The following ELOVL6 variants were observed in gnomAD, a reference collection of about 807,000 sequenced individuals.
The protein encoded by ELOVL6 is very long chain fatty acid elongase 6.
Under a neutral mutation model 31.7 loss-of-function variants are expected in ELOVL6, and 8 were observed. The ratio of observed to expected loss-of-function variants is 0.25; its 90% confidence interval spans 0.15 to 0.45. The LOEUF is 0.45. ELOVL6 is among the 20% of genes least tolerant of loss of function. The probability of loss-of-function intolerance (pLI) is 1.00; values close to 1 mark genes in which losing one functional copy is unlikely to be tolerated. For synonymous variants in ELOVL6, 101 were observed against 117.7 expected, an observed-to-expected ratio of 0.86 and a Z score of 0.92; for missense variants, 126 against 326.4, an observed-to-expected ratio of 0.39 and a Z score of 4.73.
chr4:110,093,524 A>G (rs1208293075), intron 2 of ELOVL6, among the ~76,000 whole-genome samples: 1 of 152,222 alleles, frequency 6.6e-6, no homozygotes. Context: ...ATATTTGCAT[A>G]TATCACTCAC....
intron 2 of ELOVL6, among the ~76,000 whole-genome samples, chr4:110,087,929 A>G (rs79975353): frequency 0.11 from 17,475 of 152,188 alleles, 1,213 homozygotes; most frequent in South Asian, 0.2. Context: ...ATTAGAGTCA[A>G]TTTGGCTCTG....
chr4:110,158,657 A>ATATTTTTTTTTTTT lies in ELOVL6; in HGVS notation c.89+39589_89+39590insAAAAAAAAAAAATA. 4.9e-4 allele frequency among the ~76,000 whole-genome samples: 36 copies of ATATTTTTTTTTTTT among 74,158 alleles called. 1 individual carries two copies. The highest frequency in any genetic ancestry group is 7.2e-4 in the Non-Finnish European group (31 of 43,342). 48.7% of individuals were successfully genotyped at this position (74,158 alleles called of 152,430 possible). ...CGTGTATATATATATATATATATAT[A>ATATTTTTTTTTTTT]TTTTTTTTTTTTTTTTTTTTGAGAC... On this transcript the variant is annotated intron_variant, in intron 1 of 3. Transcript: ENST00000302274.
intron 1 of ELOVL6, among the ~76,000 whole-genome samples, chr4:110,118,924 G>T (rs1023897476): frequency 6.6e-6 from 1 of 152,134 alleles, no homozygotes; most frequent in Admixed American, 6.6e-5. Context: ...AGCCACGCAT[G>T]GTGGTAGGCA....
intron 1 of ELOVL6, among the ~76,000 whole-genome samples, chr4:110,193,563 C>T (rs978149226): frequency 5.3e-5 from 8 of 152,092 alleles, no homozygotes; most frequent in Admixed American, 1.3e-4. Context: ...AAGATTGTGC[C>T]ACTGCACTCC....
intron 1 of ELOVL6, among the ~76,000 whole-genome samples, chr4:110,149,177 C>T (rs530007261): frequency 6.6e-6 from 1 of 152,124 alleles, no homozygotes; most frequent in South Asian, 2.1e-4. Flanking sequence ...GTATTGTTGA[C>T]GGGAATGCAA....
At chr4:110,168,737 G>A (rs2126272358) in intron 1 of ELOVL6, among the ~76,000 whole-genome samples, 1 of 152,246 alleles carries the variant, frequency 6.6e-6, no homozygotes, top group East Asian at 1.9e-4. Flanking sequence ...GACAGGCAGT[G>A]TGGACCTAGA....
intron 3 of ELOVL6, among the ~76,000 whole-genome samples, chr4:110,052,556 C>G (rs1754862738): frequency 6.6e-6 from 1 of 152,158 alleles, no homozygotes; most frequent in South Asian, 2.1e-4. Context: ...TTTTGTCTAA[C>G]AATATCCCTT....
chr4:110,152,984 A>C (rs985658105), intron 1 of ELOVL6, among the ~76,000 whole-genome samples: 1 of 152,164 alleles, frequency 6.6e-6, no homozygotes, highest in Non-Finnish European at 1.5e-5. Flanking sequence ...GAGTATAAAC[A>C]CTGGTCTATT....
At position 110,048,758 on chromosome 4, in the gene ELOVL6, AT is replaced by A. The variant is rs1754762249; in HGVS notation, c.*2579del. 1 of 152,214 alleles carries A rather than the reference AT, an allele frequency of 6.6e-6. No homozygotes were observed. The highest frequency in any genetic ancestry group is 1.5e-5 in the Non-Finnish European group (1 of 68,034). 9.4% of individuals were successfully genotyped at this position (152,214 alleles called of 1,614,324 possible). On this transcript the variant is annotated 3_prime_UTR_variant, in exon 4 of 4. Transcript: ENST00000302274. ...TTTCCTCCCATGATAAACATTGGAAATGCCTTTAGATATATTTAGCTAATTT... is the reference window on the plus strand; with the variant it reads ...TTTCCTCCCATGATAAACATTGGAAAGCCTTTAGATATATTTAGCTAATTT...
intron 1 of ELOVL6, chr4:110,197,953 T>C: frequency 2.2e-6 from 1 of 463,926 alleles, no homozygotes; most frequent in South Asian, 2.5e-5. Context: ...TCTCCCGCCT[T>C]CCCTGTCGCG....
At chr4:110,170,495 T>C (rs1431370325) in intron 1 of ELOVL6, among the ~76,000 whole-genome samples, 1 of 152,372 alleles carries the variant, frequency 6.6e-6, no homozygotes, top group East Asian at 1.9e-4. Flanking sequence ...AGTTGCCCAA[T>C]GTGCACATCC....
intron 1 of ELOVL6, among the ~76,000 whole-genome samples, chr4:110,115,295 T>C (rs1385371843): frequency 6.6e-6 from 1 of 152,178 alleles, no homozygotes; most frequent in Non-Finnish European, 1.5e-5. Flanking sequence ...CAAAATCAAA[T>C]GTACATAAGA....
Position 110,084,017 on chromosome 4 carries a change from TAAC to T in ELOVL6, c.221+21477_221+21479del, listed in dbSNP as rs1490694641. On this transcript the variant is annotated intron_variant, in intron 2 of 3. Coordinates refer to ENST00000302274, the MANE Select transcript of ELOVL6 (RefSeq NM_024090.3). ...TATAACATATGCCATATATGGTATA[TAAC>T]ATATGCCATATATGGTATATAACAC... 3.8e-4 allele frequency among the ~76,000 whole-genome samples: 26 copies of T among 68,292 alleles called. 1 individual carries two copies. Among genetic ancestry groups the T allele is most frequent in the South Asian group, 2.4e-3 (5 of 2,068 alleles). The allele number at this position is 68,292 out of a possible 152,430, so 44.8% of individuals were successfully genotyped here.
In ELOVL6 at chr4:110,070,451, ATC is replaced by A. The variant is rs562627504; in HGVS notation, c.222-10699_222-10698del. ...CTTTGTTCCTTTGAGAAAACTATTA[ATC>A]TCTTTCAGGGCATTATCAAATTATT... is the stretch of plus-strand genomic sequence containing the variant. On this transcript the variant is annotated intron_variant, in intron 2 of 3. Coordinates refer to ENST00000302274, the MANE Select transcript of ELOVL6 (RefSeq NM_024090.3). 2.7e-3 allele frequency among the ~76,000 whole-genome samples: 405 copies of A among 152,302 alleles called. 2 individuals are homozygous for A. The highest frequency in any genetic ancestry group is 9.4e-3 in the African/African-American group (390 of 41,576).
intron 1 of ELOVL6, among the ~76,000 whole-genome samples, chr4:110,137,251 C>G (rs1221367523): frequency 6.6e-6 from 1 of 152,150 alleles, no homozygotes; most frequent in African/African-American, 2.4e-5. Context: ...TGGATTAAAT[C>G]TAGCCCAGCT....
chr4:110,176,936 T>C (rs1284839540), intron 1 of ELOVL6, among the ~76,000 whole-genome samples: 1 of 152,196 alleles, frequency 6.6e-6, no homozygotes, highest in African/African-American at 2.4e-5. Flanking sequence ...GGTTTCTCCA[T>C]GTTGGTCAGA....
intron 2 of ELOVL6, 97 bp downstream of exon 2, chr4:110,105,400 C>G (rs766569803): frequency 7.7e-7 from 1 of 1,300,844 alleles, no homozygotes; most frequent in Non-Finnish European, 1.1e-6. Context: ...ATTCAATAAT[C>G]AAAAATATCA....
At chr4:110,116,576 A>C (rs1385487768) in intron 1 of ELOVL6, among the ~76,000 whole-genome samples, 3 of 152,216 alleles carry the variant, frequency 2.0e-5, no homozygotes, top group African/African-American at 7.2e-5. Flanking sequence ...CAATTTACTA[A>C]AATTACTAAT....
chr4:110,077,821 A>G (rs1210217027), intron 2 of ELOVL6, among the ~76,000 whole-genome samples: 1 of 152,206 alleles, frequency 6.6e-6, no homozygotes, highest in Non-Finnish European at 1.5e-5. Context: ...AACCCATGGC[A>G]AAGAAGTTAA....
Sources: gnomAD v4.1 joint callset for allele counts (sites outside exome capture counted in the v4.1 genomes callset) on GRCh38, gnomAD v4.1.1 for gene constraint, MANE v1.5 for transcripts, NCBI Gene and HGNC (gene_info 2026-07-23, HGNC 2026-07-21) for gene names.